GLRA2: variants seen among roughly 807,000 people sequenced by gnomAD.
GLRA2 encodes glycine receptor alpha 2, also known as glycine receptor subunit alpha-2.
A neutral mutation model predicts 31.6 loss-of-function variants in GLRA2; 11 were observed. That is an observed-to-expected ratio of 0.35 (90% CI 0.22 to 0.58). The LOEUF (loss-of-function observed/expected upper bound fraction) is 0.58, where lower values mean the gene tolerates loss of function less well. Among genes scored for constraint, GLRA2 ranks in the 20% least tolerant of loss-of-function variants. The probability of loss-of-function intolerance (pLI) is 0.84; values close to 1 mark genes in which losing one functional copy is unlikely to be tolerated. For synonymous variants in GLRA2, 132 were observed against 134.0 expected, an observed-to-expected ratio of 0.99 and a Z score of 0.10; for missense variants, 212 against 351.8, an observed-to-expected ratio of 0.60 and a Z score of 3.18.
rs2091448284 is a variant in GLRA2 at position 14,696,441 on chromosome X, G to A, written c.1080+5582G>A. 2.7e-5 allele frequency among the ~76,000 whole-genome samples: 3 copies of A among 111,737 alleles called. No homozygotes were observed. In the South Asian group the frequency reaches 1.1e-3, roughly 42 times the overall value. ...AAATAAGCATGTGTGACTAAGGTTG[G>A]GTTGAGAAAAAATTATTGACAGCAA... On this transcript the variant is annotated intron_variant, in intron 8 of 8. Transcript: ENST00000218075.
the GLRA2 span, among the ~76,000 whole-genome samples, chrX:14,499,618 A>G: frequency 9.0e-6 from 1 of 111,281 alleles, no homozygotes; most frequent in Non-Finnish European, 1.9e-5. Context: ...AGAAAACCAA[A>G]TTATCGCATG....
At chrX:14,469,575 C>A in the GLRA2 span, among the ~76,000 whole-genome samples, 29 of 106,045 alleles carry the variant, frequency 2.7e-4, no homozygotes, top group African/African-American at 9.7e-4. Context: ...AATCATCATT[C>A]TCAGTAAACT....
At chrX:14,544,593 G>T (rs1448654405) in intron 2 of GLRA2, among the ~76,000 whole-genome samples, 1 of 111,174 alleles carries the variant, frequency 9.0e-6, no homozygotes, top group East Asian at 2.8e-4. Flanking sequence ...AACTTGTGCA[G>T]ATTTAAGATT....
At chrX:14,716,915 T>A (rs920389367) in intron 8 of GLRA2, among the ~76,000 whole-genome samples, 4 of 111,485 alleles carry the variant, frequency 3.6e-5, no homozygotes, top group African/African-American at 1.3e-4. Context: ...AGTGTTACCA[T>A]CAGTACCTTC....
the GLRA2 span, among the ~76,000 whole-genome samples, chrX:14,454,209 C>T: frequency 7.4e-5 from 8 of 108,543 alleles, no homozygotes; most frequent in Admixed American, 6.9e-4. Context: ...CACACACACA[C>T]ACACACACAC....
At chrX:14,555,053 G>A (rs2089623425) in intron 2 of GLRA2, among the ~76,000 whole-genome samples, 1 of 111,903 alleles carries the variant, frequency 8.9e-6, no homozygotes, top group African/African-American at 3.2e-5. Context: ...TCCAATAAGG[G>A]GGAATTAGAC....
At chrX:14,687,563 A>G (rs957182590) in intron 7 of GLRA2, among the ~76,000 whole-genome samples, 15 of 111,733 alleles carry the variant, frequency 1.3e-4, no homozygotes, top group African/African-American at 4.9e-4. Context: ...TTGATCTTGA[A>G]TCACTGATAC....
chrX:14,681,995 ATGTGTG>A (rs756711239), intron 7 of GLRA2, among the ~76,000 whole-genome samples: 2 of 90,610 alleles, frequency 2.2e-5, no homozygotes, highest in African/African-American at 8.0e-5. Context: ...TTATATATGT[ATGTGTG>A]TGTGTGTGTG....
the GLRA2 span, among the ~76,000 whole-genome samples, chrX:14,467,452 G>T: frequency 2.7e-5 from 3 of 111,946 alleles, no homozygotes; most frequent in Non-Finnish European, 5.6e-5. Context: ...ATACCAAAAT[G>T]CTAACTATTC....
intron 4 of GLRA2, among the ~76,000 whole-genome samples, chrX:14,601,158 A>G (rs1417392243): frequency 1.8e-5 from 2 of 111,503 alleles, no homozygotes; most frequent in East Asian, 5.6e-4. Flanking sequence ...ATCTATAGCT[A>G]TATCTGTAAA....
the GLRA2 span, among the ~76,000 whole-genome samples, chrX:14,522,531 T>G: frequency 2.7e-5 from 3 of 112,198 alleles, no homozygotes; most frequent in Non-Finnish European, 3.8e-5. Flanking sequence ...CCAGAAGGTT[T>G]TCGATTTACT....
rs137944069 is a variant in GLRA2 at position 14,684,754 on chromosome X, T to C, written c.931-5956T>C. On this transcript the variant is annotated intron_variant, in intron 7 of 8. Transcript: ENST00000218075. ...GTTTTCTAAAGATAAAATCATCTCA[T>C]CTACAAACAGGGACAATTTGACTTC... Among the ~76,000 whole-genome samples the C allele has an allele frequency of 4.8e-3, 535 of 111,840 alleles. 8 individuals carry two copies. The highest frequency in any genetic ancestry group is 0.016 in the African/African-American group (487 of 30,780).
At position 14,565,732 on chromosome X, in the gene GLRA2, A is replaced by G. The variant is rs749229506; in HGVS notation, c.203-8601A>G. Among the ~76,000 whole-genome samples, 79 of 111,832 alleles carry G rather than the reference A, an allele frequency of 7.1e-4. 1 individual carries two copies. The highest frequency in any genetic ancestry group is 1.2e-3 in the Non-Finnish European group (63 of 53,050). Reference sequence around the variant, plus strand: ...AAATTCAGAAATATTTGGAAATAATACCGTCTTAATAAATCAAAGAAGAAA... The same window carrying G: ...AAATTCAGAAATATTTGGAAATAATGCCGTCTTAATAAATCAAAGAAGAAA... On this transcript the variant is annotated intron_variant, in intron 2 of 8. Transcript: ENST00000218075.
the GLRA2 span, among the ~76,000 whole-genome samples, chrX:14,478,798 C>G: frequency 8.9e-6 from 1 of 112,124 alleles, no homozygotes; most frequent in African/African-American, 3.2e-5. Context: ...TGATTCCTCA[C>G]CACAATTTCA....
chrX:14,621,923 TG>T (rs1462758100), intron 7 of GLRA2, among the ~76,000 whole-genome samples: 1 of 112,070 alleles, frequency 8.9e-6, no homozygotes, highest in Admixed American at 9.4e-5. Flanking sequence ...TCTAGATCCT[TG>T]AGGAATCGCC....
chrX:14,562,368 G>A (rs774017431), intron 2 of GLRA2, among the ~76,000 whole-genome samples: 4 of 112,157 alleles, frequency 3.6e-5, no homozygotes, highest in Non-Finnish European at 7.5e-5. Context: ...AGTAGTTTTG[G>A]TTTAAAATTG....
intron 7 of GLRA2, among the ~76,000 whole-genome samples, chrX:14,648,149 C>T (rs1357677659): frequency 8.9e-6 from 1 of 112,103 alleles, no homozygotes; most frequent in Non-Finnish European, 1.9e-5. Flanking sequence ...GTTTATGTAA[C>T]AAGTACTTAT....
At chrX:14,459,797 T>A in the GLRA2 span, among the ~76,000 whole-genome samples, 1 of 111,978 alleles carries the variant, frequency 8.9e-6, no homozygotes, top group Non-Finnish European at 1.9e-5. Context: ...TTTCTTAATA[T>A]ACAATCATGT....
chrX:14,650,719 C>A (rs987608955), intron 7 of GLRA2, among the ~76,000 whole-genome samples: 1 of 111,636 alleles, frequency 9.0e-6, no homozygotes, highest in East Asian at 2.8e-4. Context: ...CACACCTTTC[C>A]CAGGTGCACA....
Sources: allele counts gnomAD v4.1 joint callset (sites outside exome capture counted in the v4.1 genomes callset), GRCh38; gene constraint gnomAD v4.1.1; transcripts MANE v1.5; gene names NCBI Gene and HGNC (gene_info 2026-07-23, HGNC 2026-07-21).